Variants in FAM168A observed in about 807,000 individuals in gnomAD.
The protein encoded by FAM168A is protein FAM168A.
FAM168A carries 3 observed loss-of-function variants against 28.5 expected under a neutral mutation model. The ratio of observed to expected loss-of-function variants is 0.11; its 90% CI spans 0.05 to 0.27. The LOEUF (loss-of-function observed/expected upper bound fraction) is 0.27. FAM168A is among the 10% of genes least tolerant of loss of function. The pLI, the probability that FAM168A is intolerant of heterozygous loss-of-function variation, is 1.00. For missense variants in FAM168A, 222 were observed against 311.5 expected, an observed-to-expected ratio of 0.71 and a Z score of 2.16; for synonymous variants, 122 against 124.2, an observed-to-expected ratio of 0.98 and a Z score of 0.12.
At chr11:73,433,229 T>C (rs1867028298) in intron 2 of FAM168A, among the ~76,000 whole-genome samples, 1 of 151,732 alleles carries the variant, frequency 6.6e-6, no homozygotes, top group Non-Finnish European at 1.5e-5. Context: ...TTTCATTGGG[T>C]GGTTTGTCTT....
chr11:73,459,745 G>T (rs1376667550), intron 2 of FAM168A, among the ~76,000 whole-genome samples: 1 of 152,146 alleles, frequency 6.6e-6, no homozygotes, highest in African/African-American at 2.4e-5. Context: ...AACCAAGTAG[G>T]CAAGGAAAGA....
intron 2 of FAM168A, among the ~76,000 whole-genome samples, chr11:73,454,710 C>T (rs1407968676): frequency 2.0e-5 from 3 of 152,196 alleles, no homozygotes; most frequent in African/African-American, 7.2e-5. Context: ...GTAGACGGGA[C>T]TATGGCTGGA....
chr11:73,478,485 T>TA (rs1867922991), intron 1 of FAM168A, among the ~76,000 whole-genome samples: 1 of 152,164 alleles, frequency 6.6e-6, no homozygotes, highest in South Asian at 2.1e-4. Flanking sequence ...TGACTGCAGA[T>TA]AGAAGCAAGA....
chr11:73,410,055 T>TTAG (rs1826581677), intron 5 of FAM168A, among the ~76,000 whole-genome samples: 1 of 151,682 alleles, frequency 6.6e-6, no homozygotes, highest in Non-Finnish European at 1.5e-5. Flanking sequence ...AAAAGGATAA[T>TTAG]TAGTAGTAGT....
chr11:73,506,089 C>T (rs771753554), intron 1 of FAM168A, among the ~76,000 whole-genome samples: 5 of 152,190 alleles, frequency 3.3e-5, no homozygotes, highest in Non-Finnish European at 4.4e-5. Context: ...AAGTTCCACA[C>T]CAGGACCTCC....
At chr11:73,506,363 G>T (rs116849718) in intron 1 of FAM168A, among the ~76,000 whole-genome samples, 1,527 of 151,616 alleles carry the variant, frequency 0.01, 15 homozygotes, top group Middle Eastern at 0.021. Context: ...GGCGCAATCA[G>T]TTAGCACATG....
chr11:73,448,043 TTTTGTTTG>T (rs112310065), intron 2 of FAM168A, among the ~76,000 whole-genome samples: 5 of 152,120 alleles, frequency 3.3e-5, no homozygotes, highest in East Asian at 1.9e-4. Context: ...TCAAGTTACT[TTTTGTTTG>T]TTTGTTTGTT....
chr11:73,494,552 C>T (rs1475667510), intron 1 of FAM168A, among the ~76,000 whole-genome samples: 2 of 152,022 alleles, frequency 1.3e-5, no homozygotes. Flanking sequence ...ATGCAGAGGC[C>T]CCAGAACATT....
At chr11:73,511,971 C>G (rs1257596284) in intron 1 of FAM168A, among the ~76,000 whole-genome samples, 2 of 152,132 alleles carry the variant, frequency 1.3e-5, no homozygotes. Flanking sequence ...TCTTTACATA[C>G]TCTTTATCTG....
At chr11:73,469,165 C>T (rs986052213) in intron 1 of FAM168A, among the ~76,000 whole-genome samples, 7 of 152,256 alleles carry the variant, frequency 4.6e-5, no homozygotes, top group Middle Eastern at 6.8e-3. Flanking sequence ...AATTTGTGTG[C>T]AATAAGTATC....
intron 2 of FAM168A, among the ~76,000 whole-genome samples, chr11:73,455,273 T>C (rs1172829978): frequency 6.6e-6 from 1 of 152,210 alleles, no homozygotes; most frequent in Admixed American, 6.5e-5. Context: ...GCAGAGTTTG[T>C]TCCTGCCAGC....
chr11:73,462,726 A>T (rs1867668487), intron 2 of FAM168A, among the ~76,000 whole-genome samples: 1 of 152,076 alleles, frequency 6.6e-6, no homozygotes, highest in Admixed American at 6.5e-5. Context: ...AAATACAAAA[A>T]GTAGCCAGGC....
intron 2 of FAM168A, among the ~76,000 whole-genome samples, chr11:73,431,737 G>A (rs1303652474): frequency 6.6e-6 from 1 of 151,772 alleles, no homozygotes. Context: ...ACTATATTCA[G>A]TTTGGGGGAT....
At chr11:73,490,957 C>T (rs1336204161) in intron 1 of FAM168A, among the ~76,000 whole-genome samples, 1 of 152,174 alleles carries the variant, frequency 6.6e-6, no homozygotes, top group Non-Finnish European at 1.5e-5. Flanking sequence ...CTTCTCCACA[C>T]TTTTGAGGGA....
At chr11:73,542,956 T>C (rs1005758705) in intron 1 of FAM168A, among the ~76,000 whole-genome samples, 1 of 152,214 alleles carries the variant, frequency 6.6e-6, no homozygotes, top group Admixed American at 6.5e-5. Flanking sequence ...TTCAAGGAGT[T>C]AGTACTTACA....
intron 1 of FAM168A, among the ~76,000 whole-genome samples, chr11:73,505,481 A>G (rs1227344751): frequency 6.6e-6 from 1 of 152,226 alleles, no homozygotes; most frequent in Non-Finnish European, 1.5e-5. Flanking sequence ...AGCTATTATC[A>G]TTATCATTTT....
At chr11:73,493,438 G>T (rs748839593) in intron 1 of FAM168A, among the ~76,000 whole-genome samples, 1 of 151,976 alleles carries the variant, frequency 6.6e-6, no homozygotes, top group Non-Finnish European at 1.5e-5. Context: ...TTTGAGACTG[G>T]GTCTCACTCT....
chr11:73,437,400 CTTTTTTTTT>C (rs747204512), intron 2 of FAM168A, among the ~76,000 whole-genome samples: 14 of 103,528 alleles, frequency 1.4e-4, no homozygotes, highest in African/African-American at 5.1e-4. Flanking sequence ...CCCGGCCACT[CTTTTTTTTT>C]TTTTTTTTTT....
chr11:73,556,271 C>T (rs1315104565), intron 1 of FAM168A, among the ~76,000 whole-genome samples: 1 of 151,552 alleles, frequency 6.6e-6, no homozygotes. Flanking sequence ...ATGGCTTGTG[C>T]CTAAGAATTC....
Sources: allele counts gnomAD v4.1 joint callset (sites outside exome capture counted in the v4.1 genomes callset), GRCh38; gene constraint gnomAD v4.1.1; transcripts MANE v1.5; gene names NCBI Gene and HGNC (gene_info 2026-07-23, HGNC 2026-07-21).